The following NECAB2 variants were observed in gnomAD, a reference collection of about 807,000 sequenced individuals.
NECAB2 encodes the protein N-terminal EF-hand calcium binding protein 2, also known as N-terminal EF-hand calcium-binding protein 2.
Under a neutral mutation model 51.9 loss-of-function variants are expected in NECAB2, and 68 were observed. The observed-to-expected ratio is 1.31, with a 90% CI of 1.08 to 1.60. The LOEUF is 1.60. Among genes scored for constraint, NECAB2 ranks in the 40% most tolerant of loss-of-function variants. NECAB2 has a pLI of 0.00. For missense variants in NECAB2, 854 were observed against 490.3 expected (o/e 1.74, Z -7.00); for synonymous variants, 329 against 203.5 (o/e 1.62, Z -5.25).
At chr16:83,996,179 G>A (rs1249775356) in intron 8 of NECAB2, among the ~76,000 whole-genome samples, 1 of 152,202 alleles carries the variant, frequency 6.6e-6, no homozygotes, top group African/African-American at 2.4e-5. Flanking sequence ...AGATACAGGG[G>A]CCACAGTGCC....
At chr16:83,965,895 G>T (rs1460302553), upstream of NECAB2, 1 of 1,612,874 alleles carries the variant, frequency 6.2e-7, no homozygotes, top group Non-Finnish European at 8.5e-7. Context: ...CGCCAGGAGG[G>T]CCTGTACGCC....
chr16:83,981,231 G>C (rs913733479), intron 5 of NECAB2, 104 bp downstream of exon 5: 1 of 1,021,534 alleles, frequency 9.8e-7, no homozygotes, highest in African/African-American at 1.6e-5. Context: ...CGCCAGGGAG[G>C]CCTATCTCAG....
At chr16:83,975,939 C>T (rs1355091371) in intron 2 of NECAB2, among the ~76,000 whole-genome samples, 2 of 152,112 alleles carry the variant, frequency 1.3e-5, no homozygotes, top group South Asian at 2.1e-4. Context: ...TCATTAGGGC[C>T]GTGATCAGGC....
chr16:83,998,424 C>T, intron 10 of NECAB2, 107 bp downstream of exon 10: 1 of 1,010,928 alleles, frequency 9.9e-7, no homozygotes, highest in Non-Finnish European at 1.5e-6. Flanking sequence ...AAGTTGCACC[C>T]CAGGGACACA....
chr16:83,976,766 C>G (rs2084416069), intron 2 of NECAB2, among the ~76,000 whole-genome samples: 1 of 152,166 alleles, frequency 6.6e-6, no homozygotes, highest in Non-Finnish European at 1.5e-5. Flanking sequence ...TTACCGGTCT[C>G]TGATACTTTA....
In NECAB2 at chr16:83,998,221, G is replaced by C. The variant is rs775251515; in HGVS notation, c.866G>C (p.Arg289Pro). ...GCCCGGCAGCACCTGCAGCTGGTCCGGCAGGAGATGGCCGTGTGCCCCGAG... is the reference window on the plus strand; with the variant it reads ...GCCCGGCAGCACCTGCAGCTGGTCCCGCAGGAGATGGCCGTGTGCCCCGAG... ...DGTNMHLQLV[R>P]QEMAVCPEQL... Residue 289 changes from arginine to proline, a missense_variant, in exon 10 of 13, where the codon CGG becomes CCG. Arg to Pro is a moderately radical substitution (Grantham distance 103). Coordinates refer to ENST00000305202, the MANE Select transcript of NECAB2 (RefSeq NM_019065.3). 1 of 1,610,598 alleles carries C rather than the reference G, an allele frequency of 6.2e-7. No individual in the cohort carries two copies. The highest frequency in any genetic ancestry group is 8.5e-7 in the Non-Finnish European group (1 of 1,179,992).
In NECAB2 at chr16:83,968,394, C is replaced by A. The variant is rs2084311679; in HGVS notation, c.-255C>A. Among the ~76,000 whole-genome samples the A allele has an allele frequency of 6.7e-6, 1 of 149,810 alleles. No homozygotes were observed. The highest frequency in any genetic ancestry group is 1.5e-5 in the Non-Finnish European group (1 of 67,346). ...CCCCCTCTGTGGCTGCGCCCGCGCC[C>A]CTCGCCCCGGCGGGCAGTCCTCAGG... is the stretch of plus-strand genomic sequence containing the variant. On this transcript the variant is annotated 5_prime_UTR_variant, in exon 1 of 13. Coordinates refer to ENST00000305202, the MANE Select transcript of NECAB2 (RefSeq NM_019065.3).
intron 9 of NECAB2, among the ~76,000 whole-genome samples, 183 bp downstream of exon 9, chr16:83,997,452 G>A (rs554298538): frequency 1.1e-4 from 16 of 150,118 alleles, no homozygotes; most frequent in South Asian, 8.5e-4. Context: ...CACCAACTCC[G>A]GGGGTATTTC....
chr16:83,994,766 A>G (rs2084673714), intron 8 of NECAB2, 78 bp downstream of exon 8: 2 of 1,523,448 alleles, frequency 1.3e-6, no homozygotes, highest in Non-Finnish European at 1.8e-6. Context: ...AGTTCAGGAC[A>G]AAAGTCTGGG....
At chr16:83,990,742 C>G in intron 6 of NECAB2, 112 bp downstream of exon 6, 3 of 1,381,624 alleles carry the variant, frequency 2.2e-6, no homozygotes, top group Non-Finnish European at 2.9e-6. Flanking sequence ...TGACCTTGGG[C>G]AAGTTGCCAC....
chr16:84,000,788 G>A lies in NECAB2; in HGVS notation c.1027G>A (p.Glu343Lys). The change falls in exon 11 of 13, where the codon GAG (glutamate) becomes AAG (lysine). Residue 343 changes from glutamate to lysine, a missense_variant. Glu to Lys is a moderately conservative substitution (Grantham distance 56, BLOSUM62 1). Coordinates refer to ENST00000305202, the MANE Select transcript of NECAB2 (RefSeq NM_019065.3). ...CATCTATGAGTTCTGGGAGACAGAG[G>A]AGGCGTGGAAGAGGTGAGATGCTGG... ...FVIYEFWETE[E>K]AWKRHLQSPL... 1.2e-6 allele frequency: 2 copies of A among 1,613,706 alleles called. No homozygotes were observed. Among genetic ancestry groups the A allele is most frequent in the African/African-American group, 1.3e-5 (1 of 75,028 alleles).
intron 2 of NECAB2, among the ~76,000 whole-genome samples, chr16:83,974,721 A>G (rs2084385947): frequency 6.6e-6 from 1 of 152,140 alleles, no homozygotes; most frequent in East Asian, 1.9e-4. Flanking sequence ...ACAGCAGCTT[A>G]AAAGCTTGTA....
intron 2 of NECAB2, among the ~76,000 whole-genome samples, chr16:83,972,713 G>T (rs1014809116): frequency 3.3e-5 from 5 of 152,162 alleles, no homozygotes; most frequent in Admixed American, 1.3e-4. Flanking sequence ...GAAGACCGGG[G>T]CCCTTTTCCC....
In NECAB2 at chr16:83,997,351, C is replaced by T. The variant is rs1010747395; in HGVS notation, c.849+82C>T. ...CCAAGATCCAAGTGGCTCAATGCCC[C>T]TGACCCCGCTCTCCCTGCTTGGGAC... is the stretch of plus-strand genomic sequence containing the variant. On this transcript the variant is annotated intron_variant, in intron 9 of 12. Coordinates refer to ENST00000305202, the MANE Select transcript of NECAB2 (RefSeq NM_019065.3). The T allele has an allele frequency of 7.1e-6, 11 of 1,545,058 alleles. No homozygotes were observed. In the Admixed American group the frequency reaches 1.5e-4, roughly 21 times the overall value.
chr16:83,995,215 C>G (rs1264329081), intron 8 of NECAB2, among the ~76,000 whole-genome samples: 1 of 152,186 alleles, frequency 6.6e-6, no homozygotes, highest in African/African-American at 2.4e-5. Context: ...TGTTTCGTGA[C>G]TCGGGATAGA....
At chr16:83,979,221 C>A (rs904292173) in intron 3 of NECAB2, among the ~76,000 whole-genome samples, 1 of 152,200 alleles carries the variant, frequency 6.6e-6, no homozygotes, top group African/African-American at 2.4e-5. Context: ...CTCCTCAACC[C>A]CACCTTCAGG....
At chr16:83,971,602 C>G (rs889948064) in intron 1 of NECAB2, 4 of 155,602 alleles carry the variant, frequency 2.6e-5, no homozygotes, top group African/African-American at 7.2e-5. Context: ...GGCTGCTTTT[C>G]TGAACTCTTG....
intron 2 of NECAB2, among the ~76,000 whole-genome samples, 169 bp downstream of exon 2, chr16:83,972,344 C>A (rs1005227918): frequency 6.6e-6 from 1 of 152,220 alleles, no homozygotes; most frequent in African/African-American, 2.4e-5. Flanking sequence ...CTTGACCTCC[C>A]TGTCTGTAAA....
chr16:83,965,647 C>A, upstream of NECAB2: 3 of 1,613,396 alleles, frequency 1.9e-6, no homozygotes, highest in Non-Finnish European at 2.5e-6. Flanking sequence ...ATGAGGGTTA[C>A]CGCAGCCTCC....
Sources: allele counts gnomAD v4.1 joint callset (sites outside exome capture counted in the v4.1 genomes callset), GRCh38; gene constraint gnomAD v4.1.1; transcripts MANE v1.5; gene names NCBI Gene and HGNC (gene_info 2026-07-23, HGNC 2026-07-21).